ADSL: variants seen among roughly 807,000 people sequenced by gnomAD.
The protein encoded by ADSL is adenylosuccinase.
ADSL carries 44 observed loss-of-function variants against 62.1 expected under a neutral mutation model. The observed-to-expected ratio is 0.71, with a 90% confidence interval of 0.56 to 0.91. The LOEUF (loss-of-function observed/expected upper bound fraction) is 0.91, where lower values mean the gene tolerates loss of function less well. ADSL is among the 40% of genes least tolerant of loss of function. The pLI is 0.00. For missense variants in ADSL, 531 were observed against 627.4 expected (o/e 0.85, Z 1.64); for synonymous variants, 198 against 220.5 (o/e 0.90, Z 0.90).
At chr22:40,375,178 A>G (rs1049299169) in intron 2 of ADSL, among the ~76,000 whole-genome samples, 1 of 152,150 alleles carries the variant, frequency 6.6e-6, no homozygotes, top group African/African-American at 2.4e-5. Flanking sequence ...AGTGTGATAC[A>G]TGTTTTGTAT....
chr22:40,355,259 C>T (rs1176714289), intron 4 of ADSL, among the ~76,000 whole-genome samples: 1 of 152,158 alleles, frequency 6.6e-6, no homozygotes, highest in African/African-American at 2.4e-5. Flanking sequence ...TCTCCCGCCT[C>T]AGCCTTCCTA....
At chr22:40,359,356 T>G (rs768010664) in intron 6 of ADSL, 50 bp downstream of exon 6, 41 of 1,556,384 alleles carry the variant, frequency 2.6e-5, no homozygotes, top group Non-Finnish European at 3.3e-5. Context: ...ATGGAAGTCC[T>G]ATATTCAGTA....
At chr22:40,369,542 C>T (rs1013588625), downstream of ADSL, among the ~76,000 whole-genome samples, 3 of 150,266 alleles carry the variant, frequency 2.0e-5, no homozygotes, top group South Asian at 2.1e-4. Context: ...CTTGCTCTGT[C>T]GCCCAAGCTG....
At chr22:40,349,575 G>A (rs1260497094) in intron 1 of ADSL, among the ~76,000 whole-genome samples, 5 of 151,612 alleles carry the variant, frequency 3.3e-5, no homozygotes, top group Admixed American at 2.0e-4. Context: ...GGGTTTCACC[G>A]TTGTTGCCCA....
At chr22:40,347,890 G>C (rs2044202516) in intron 1 of ADSL, among the ~76,000 whole-genome samples, 1 of 152,216 alleles carries the variant, frequency 6.6e-6, no homozygotes, top group African/African-American at 2.4e-5. Flanking sequence ...GTTGTGGTTT[G>C]TGATGTACTA....
intron 2 of ADSL, among the ~76,000 whole-genome samples, chr22:40,381,516 A>G (rs2047583774): frequency 6.6e-6 from 1 of 152,198 alleles, no homozygotes; most frequent in Admixed American, 6.5e-5. Flanking sequence ...GTATTATATT[A>G]TTACTCCAAA....
chr22:40,376,178 CTTTTTTTTTTTTTTTTTTTTTT>C, intron 2 of ADSL: 1 of 86,876 alleles, frequency 1.2e-5, no homozygotes, highest in South Asian at 5.0e-4. Flanking sequence ...CAAATTACCA[CTTTTTTTTTTTTTTTTTTTTTT>C]TTTTTTTTTT....
At chr22:40,352,838 G>T (rs139017963) in intron 2 of ADSL, among the ~76,000 whole-genome samples, 1 of 152,246 alleles carries the variant, frequency 6.6e-6, no homozygotes, top group Middle Eastern at 3.4e-3. Flanking sequence ...GGCTTTATAA[G>T]TATAAAGGTT....
chr22:40,346,522 C>A lies in ADSL; in HGVS notation c.-37C>A. On this transcript the variant is annotated 5_prime_UTR_variant, in exon 1 of 13. It adds an upstream start codon to the 5' untranslated region. Coordinates refer to ENST00000623063, the MANE Select transcript of ADSL (RefSeq NM_000026.4). Reference sequence around the variant, plus strand: ...TCCAGGTTTCCGCTTCCGCTCTTCCCTGGTCCAGTCCACCCTGGCGGGGTC... The same window carrying A: ...TCCAGGTTTCCGCTTCCGCTCTTCCATGGTCCAGTCCACCCTGGCGGGGTC... 2 of 1,585,756 alleles carry A rather than the reference C, an allele frequency of 1.3e-6. No individual in the cohort carries two copies. Among genetic ancestry groups the A allele is most frequent in the African/African-American group, 1.3e-5 (1 of 74,746 alleles).
intron 6 of ADSL, 97 bp downstream of exon 6, chr22:40,359,403 C>G (rs1026848957): frequency 2.9e-4 from 337 of 1,175,348 alleles, no homozygotes; most frequent in Non-Finnish European, 2.5e-4. Flanking sequence ...TTGCCTTTTT[C>G]TTCCTTTGTT....
rs762055701 is a variant in ADSL, at chr22:40,358,828, G to A, written c.483-36G>A. The A allele has an allele frequency of 1.9e-6, 3 of 1,610,974 alleles. No individual in the cohort carries two copies. The African/African-American group carries it at 4.0e-5, about 22-fold the overall frequency. The stretch of plus-strand genomic sequence containing the variant: ...GAAACCTTGATGATTTAAGGTCTCG[G>A]TCTGAGACTTTCGTGTGTTCTCTTT... On this transcript the variant is annotated intron_variant, in intron 4 of 12. Transcript: ENST00000623063.
intron 2 of ADSL, among the ~76,000 whole-genome samples, chr22:40,383,392 G>C (rs1223129904): frequency 6.6e-6 from 1 of 151,732 alleles, no homozygotes; most frequent in Non-Finnish European, 1.5e-5. Context: ...GCGTGAACCT[G>C]GGAGGTGGAG....
chr22:40,365,743 C>T (rs932817902), intron 12 of ADSL, among the ~76,000 whole-genome samples: 1 of 151,806 alleles, frequency 6.6e-6, no homozygotes, highest in Admixed American at 6.6e-5. Context: ...TGGTGGTGTG[C>T]GCCTGTAGTC....
chr22:40,367,135 T>C lies in ADSL; in HGVS notation c.*613T>C, dbSNP rs1329609386. The stretch of plus-strand genomic sequence containing the variant: ...TCATCAGGGCCGCTGACAGTCTTTA[T>C]TCCTTGTTGCATGGATTTTGTTGTT... On this transcript the variant is annotated 3_prime_UTR_variant, in exon 13 of 13. Transcript: ENST00000623063. 6.5e-6 allele frequency: 1 copy of C among 154,290 alleles called. No homozygotes were observed. Among genetic ancestry groups the C allele is most frequent in the African/African-American group, 2.4e-5 (1 of 41,454 alleles). 9.6% of individuals were successfully genotyped at this position (154,290 alleles called of 1,614,324 possible). A position where few individuals can be genotyped will look rare whatever the true frequency, so the allele number is the denominator to read the frequency against.
At chr22:40,372,121 C>T (rs868532234), downstream of ADSL, among the ~76,000 whole-genome samples, 9 of 114,266 alleles carry the variant, frequency 7.9e-5, no homozygotes, top group Non-Finnish European at 1.5e-4. Flanking sequence ...GTCCCCCCCC[C>T]CTTTTTTTTT....
chr22:40,379,223 A>G (rs761427798), intron 2 of ADSL: 1 of 152,344 alleles, frequency 6.6e-6, no homozygotes, highest in South Asian at 2.1e-4. Context: ...CACTTAAAAC[A>G]GTGCCTGGTA....
Position 40,361,610 on chromosome 22 carries a change from C to CTGTCCAGTG in ADSL, c.985_986insTGTCCAGTG (p.Arg329delinsLeuSerSerGly). ...GACAGCATCTGTCCAGTGGTTTGAACGCACACTGGATGATAGTGCCAACCG... is the reference window on the plus strand; with the variant it reads ...GACAGCATCTGTCCAGTGGTTTGAACTGTCCAGTGGCACACTGGATGATAGTGCCAACCG... On this transcript the variant is annotated protein_altering_variant, in exon 9 of 13. Transcript: ENST00000623063. The CTGTCCAGTG allele has an allele frequency of 2.5e-6, 4 of 1,613,938 alleles. No individual in the cohort carries two copies. Among genetic ancestry groups the CTGTCCAGTG allele is most frequent in the Non-Finnish European group, 3.4e-6 (4 of 1,180,040 alleles).
intron 2 of ADSL, among the ~76,000 whole-genome samples, chr22:40,374,380 T>C (rs1317164808): frequency 6.6e-6 from 1 of 152,246 alleles, no homozygotes; most frequent in Non-Finnish European, 1.5e-5. Context: ...TGCTTAGGTA[T>C]ATACTTTTAG....
downstream of ADSL, among the ~76,000 whole-genome samples, chr22:40,371,482 A>G (rs2146701877): frequency 6.6e-6 from 1 of 152,286 alleles, no homozygotes; most frequent in African/African-American, 2.4e-5. Context: ...TTCAAGTCAA[A>G]TCAGACTCTG....
Sources: gnomAD v4.1 joint callset for allele counts (sites outside exome capture counted in the v4.1 genomes callset) on GRCh38, gnomAD v4.1.1 for gene constraint, MANE v1.5 for transcripts, NCBI Gene and HGNC (gene_info 2026-07-23, HGNC 2026-07-21) for gene names.